The following RFX4 variants were observed in gnomAD, a reference collection of about 807,000 sequenced individuals.
The protein encoded by RFX4 is transcription factor RFX4.
RFX4 carries 10 observed loss-of-function variants against 95.0 expected under a neutral mutation model. The ratio of observed to expected loss-of-function variants is 0.11; its 90% CI spans 0.06 to 0.18. The LOEUF is 0.18. Ranked by LOEUF, RFX4 falls within the 10% of genes least tolerant of loss-of-function variation. The pLI is 1.00. For missense variants in RFX4, 640 were observed against 922.0 expected (o/e 0.69, Z 3.96); for synonymous variants, 321 against 340.7 (o/e 0.94, Z 0.64).
chr12:106,594,332 G>A (rs919092), intron 1 of RFX4, among the ~76,000 whole-genome samples: 6 of 152,006 alleles, frequency 3.9e-5, no homozygotes, highest in Non-Finnish European at 5.9e-5. Context: ...TGTGAGAAAG[G>A]CTTTGGTCTC....
chr12:106,717,787 G>GT (rs1447117182), intron 11 of RFX4, among the ~76,000 whole-genome samples: 1 of 152,192 alleles, frequency 6.6e-6, no homozygotes, highest in Non-Finnish European at 1.5e-5. Context: ...TTGAGAGAGG[G>GT]TACCAAGCCT....
In RFX4 at chr12:106,681,939, C is replaced by T. The variant is rs1204163803; in HGVS notation, c.316-54C>T. 14 of 1,587,198 alleles carry T rather than the reference C, an allele frequency of 8.8e-6. No individual in the cohort carries two copies. The East Asian group carries it at 1.3e-4, about 15-fold the overall frequency. On this transcript the variant is annotated intron_variant, in intron 4 of 17. Transcript: ENST00000392842. The stretch of plus-strand genomic sequence containing the variant: ...TAGATGGCTATTTGTAAAACTCAGT[C>T]ACTATGCTCCCAACTCTTCCCAATG...
intron 10 of RFX4, 62 bp downstream of exon 10, chr12:106,711,573 C>A (rs2137500405): frequency 7.0e-7 from 1 of 1,419,474 alleles, no homozygotes; most frequent in Admixed American, 1.7e-5. Context: ...GGGGGCAAAT[C>A]CACAAAAACA....
At chr12:106,598,185 C>G (rs975658290) in intron 1 of RFX4, among the ~76,000 whole-genome samples, 1 of 152,118 alleles carries the variant, frequency 6.6e-6, no homozygotes, top group Non-Finnish European at 1.5e-5. Context: ...CTAATCCCAC[C>G]TGGTAACTTT....
chr12:106,638,224 T>C (rs2040553482), intron 2 of RFX4, among the ~76,000 whole-genome samples: 1 of 152,120 alleles, frequency 6.6e-6, no homozygotes, highest in Non-Finnish European at 1.5e-5. Context: ...GCCAGGCTGG[T>C]CTTGAACTCC....
At chr12:106,744,322 G>A (rs568700251) in intron 15 of RFX4, among the ~76,000 whole-genome samples, 3 of 152,312 alleles carry the variant, frequency 2.0e-5, no homozygotes, top group Non-Finnish European at 4.4e-5. Flanking sequence ...GGTGAGTAAG[G>A]ACACTAGTAA....
At chr12:106,660,001 A>G (rs1324449963) in intron 4 of RFX4, among the ~76,000 whole-genome samples, 3 of 152,114 alleles carry the variant, frequency 2.0e-5, no homozygotes, top group Non-Finnish European at 4.4e-5. Context: ...TGTGCTGATC[A>G]CTGCAGTTGA....
chr12:106,661,455 C>T (rs917355597), intron 4 of RFX4, among the ~76,000 whole-genome samples: 5 of 152,072 alleles, frequency 3.3e-5, no homozygotes, highest in African/African-American at 4.8e-5. Flanking sequence ...TCATATACCC[C>T]GTCCCTACAC....
At chr12:106,669,140 G>A (rs573172645) in intron 4 of RFX4, among the ~76,000 whole-genome samples, 1 of 152,298 alleles carries the variant, frequency 6.6e-6, no homozygotes, top group Non-Finnish European at 1.5e-5. Flanking sequence ...ATCAGTTGAT[G>A]CAATCCCTTC....
intron 1 of RFX4, among the ~76,000 whole-genome samples, chr12:106,606,735 C>G (rs1565947612): frequency 6.6e-6 from 1 of 152,146 alleles, no homozygotes; most frequent in Non-Finnish European, 1.5e-5. Context: ...ATATTTTCCC[C>G]CTACTTATTC....
intron 2 of RFX4, among the ~76,000 whole-genome samples, chr12:106,626,820 G>A (rs953003266): frequency 3.9e-5 from 6 of 152,132 alleles, no homozygotes; most frequent in Non-Finnish European, 8.8e-5. Context: ...TAACCAAGAG[G>A]TGCTCAAGTC....
intron 13 of RFX4, among the ~76,000 whole-genome samples, chr12:106,730,902 A>T (rs2042598948): frequency 6.6e-6 from 1 of 152,310 alleles, no homozygotes; most frequent in Admixed American, 6.5e-5. Context: ...GGGGAGGCTG[A>T]GGCAGGAAAA....
At chr12:106,614,065 CAT>C (rs2040018000) in intron 2 of RFX4, among the ~76,000 whole-genome samples, 1 of 152,236 alleles carries the variant, frequency 6.6e-6, no homozygotes, top group African/African-American at 2.4e-5. Context: ...GGGTGAATAG[CAT>C]ATGTCATTTT....
intron 3 of RFX4, among the ~76,000 whole-genome samples, chr12:106,641,639 A>T (rs1278148094): frequency 2.0e-5 from 3 of 152,232 alleles, no homozygotes; most frequent in Non-Finnish European, 4.4e-5. Flanking sequence ...ACAAGGTCAG[A>T]CAGTGAATTT....
chr12:106,692,512 A>G (rs2041804382), intron 7 of RFX4, among the ~76,000 whole-genome samples: 1 of 152,192 alleles, frequency 6.6e-6, no homozygotes, highest in African/African-American at 2.4e-5. Context: ...GTGTTTCCAC[A>G]AGGTGCCAAT....
At chr12:106,590,166 T>TGCC (rs1326053815) in intron 1 of RFX4, among the ~76,000 whole-genome samples, 1 of 152,266 alleles carries the variant, frequency 6.6e-6, no homozygotes, top group Non-Finnish European at 1.5e-5. Context: ...AGGGTGGCTG[T>TGCC]GCCACGTAAA....
Position 106,640,762 on chromosome 12 carries a change from G to A in RFX4, c.191+1370G>A, listed in dbSNP as rs951412602. ...TCTGGGAGTGGGAGTTTCTAGACAT[G>A]CATGGAATTGACAGACTTTTTTTTT... is the stretch of plus-strand genomic sequence containing the variant. On this transcript the variant is annotated intron_variant, in intron 3 of 17. Transcript: ENST00000392842. 2.0e-5 allele frequency among the ~76,000 whole-genome samples: 3 copies of A among 150,672 alleles called. No homozygotes were observed. The East Asian group carries it at 5.8e-4, about 29-fold the overall frequency.
chr12:106,608,776 CTT>C lies in RFX4; in HGVS notation c.44-19_44-18del, dbSNP rs779340615. On this transcript the variant is annotated intron_variant, in intron 1 of 17. Transcript: ENST00000392842. ...TTTTTTCTTTTTCTTTTCTTTCTTT[CTT>C]TCTTTTTTTTTTTTTTAGAGAGCTG... 3 of 1,505,122 alleles carry C rather than the reference CTT, an allele frequency of 2.0e-6. No homozygotes were observed. In the East Asian group the frequency reaches 6.9e-5, roughly 34 times the overall value. The allele number at this position is 1,505,122 out of a possible 1,614,324, so 93.2% of individuals were successfully genotyped here.
chr12:106,691,519 CTA>C (rs1410881183), intron 7 of RFX4, among the ~76,000 whole-genome samples: 3 of 152,186 alleles, frequency 2.0e-5, no homozygotes, highest in African/African-American at 7.2e-5. Flanking sequence ...TGGCTTTCTC[CTA>C]TAGCTGAGAA....
Sources: gnomAD v4.1 joint callset for allele counts (sites outside exome capture counted in the v4.1 genomes callset) on GRCh38, gnomAD v4.1.1 for gene constraint, MANE v1.5 for transcripts, NCBI Gene and HGNC (gene_info 2026-07-23, HGNC 2026-07-21) for gene names.